Variants in MGRN1 observed in about 807,000 individuals in gnomAD.
The protein encoded by MGRN1 is mahogunin ring finger 1.
A neutral mutation model predicts 69.2 loss-of-function variants in MGRN1; 29 were observed. The observed-to-expected ratio is 0.42, with a 90% CI of 0.31 to 0.57. The LOEUF is 0.57. Ranked by LOEUF, MGRN1 falls within the 20% of genes least tolerant of loss-of-function variation. MGRN1 has a pLI of 0.15. For missense variants in MGRN1, 998 were observed against 796.2 expected (o/e 1.25, Z -3.05); for synonymous variants, 470 against 344.2 (o/e 1.37, Z -4.04).
At chr16:4,667,380 G>C (rs180814896) in intron 7 of MGRN1, among the ~76,000 whole-genome samples, 2 of 152,236 alleles carry the variant, frequency 1.3e-5, no homozygotes, top group South Asian at 4.1e-4. Context: ...GGTGACACAA[G>C]TGCCCTGGGC....
At chr16:4,678,197 A>C (rs1363872194) in intron 11 of MGRN1, among the ~76,000 whole-genome samples, 1 of 152,174 alleles carries the variant, frequency 6.6e-6, no homozygotes, top group East Asian at 1.9e-4. Context: ...GCTGCTGTGC[A>C]AGGGGCACTG....
At chr16:4,685,236 C>T (rs1025258937) in intron 16 of MGRN1, among the ~76,000 whole-genome samples, 1 of 152,248 alleles carries the variant, frequency 6.6e-6, no homozygotes, top group African/African-American at 2.4e-5. Context: ...GCCAGAAGGA[C>T]CTCAGCTTCT....
In MGRN1 at chr16:4,681,692, A is replaced by G. The variant is rs756636262; in HGVS notation, c.1274A>G (p.Gln425Arg). The G allele has an allele frequency of 1.2e-6, 2 of 1,613,444 alleles. No individual in the cohort carries two copies. The highest frequency in any genetic ancestry group is 1.7e-6 in the Non-Finnish European group (2 of 1,179,996). ...TCAGGCATCTCGGACGGCCTGTCCC[A>G]GGCCAGCTGTCCCCTCGCGGCTATC... ...TYSGISDGLS[Q>R]ASCPLAAIDH... The change falls in exon 13 of 17, where the codon CAG (glutamine) becomes CGG (arginine). Residue 425 changes from glutamine to arginine, a missense_variant. Coordinates refer to ENST00000262370, the MANE Select transcript of MGRN1 (RefSeq NM_015246.4).
At chr16:4,647,988 G>C (rs539051814) in intron 1 of MGRN1, among the ~76,000 whole-genome samples, 5 of 152,218 alleles carry the variant, frequency 3.3e-5, no homozygotes, top group Admixed American at 1.3e-4. Flanking sequence ...CTGTAACTGG[G>C]GCCGTGGTTC....
intron 11 of MGRN1, among the ~76,000 whole-genome samples, chr16:4,677,828 G>A (rs1240000625): frequency 1.6e-5 from 2 of 127,398 alleles, no homozygotes; most frequent in Non-Finnish European, 1.7e-5. Flanking sequence ...TCTCGGTGGA[G>A]CCAGGTGCTT....
chr16:4,637,118 CAA>C (rs36033548), intron 1 of MGRN1, among the ~76,000 whole-genome samples: 99 of 48,466 alleles, frequency 2.0e-3, no homozygotes, highest in African/African-American at 6.8e-3. Flanking sequence ...GACTCCATCT[CAA>C]AAAAAAAAAA....
At chr16:4,648,745 C>G (rs1170884079) in intron 1 of MGRN1, among the ~76,000 whole-genome samples, 1 of 127,938 alleles carries the variant, frequency 7.8e-6, no homozygotes, top group Non-Finnish European at 1.7e-5. Flanking sequence ...GGGACTCTTC[C>G]CGTGGTCACC....
At chr16:4,657,417 T>A in intron 5 of MGRN1, 54 bp downstream of exon 5, 7 of 1,541,874 alleles carry the variant, frequency 4.5e-6, no homozygotes, top group Non-Finnish European at 6.3e-6. Context: ...TTCTCTCCCC[T>A]TGGGGGTGGG....
At chr16:4,665,833 C>G (rs537342985) in intron 7 of MGRN1, among the ~76,000 whole-genome samples, 68 of 151,312 alleles carry the variant, frequency 4.5e-4, no homozygotes, top group African/African-American at 1.5e-3. Flanking sequence ...CATGCCTGGC[C>G]AATTTTTTTT....
chr16:4,679,979 C>G (rs1460931420), intron 11 of MGRN1, 53 bp from the exon 12 acceptor site: 15 of 1,570,644 alleles, frequency 9.6e-6, no homozygotes, highest in African/African-American at 1.4e-5. Flanking sequence ...CCAGCCCACT[C>G]CAGGGCCGCG....
intron 1 of MGRN1, among the ~76,000 whole-genome samples, chr16:4,642,802 T>G (rs552091035): frequency 4.4e-4 from 67 of 152,038 alleles, no homozygotes; most frequent in Non-Finnish European, 7.5e-4. Flanking sequence ...TTTTTTTTTT[T>G]TTGTTAAAGG....
chr16:4,687,808 G>A (rs2079366714), intron 16 of MGRN1: 8 of 985,352 alleles, frequency 8.1e-6, no homozygotes, highest in Non-Finnish European at 9.6e-6. Flanking sequence ...GACTTGAGCC[G>A]GGTCAGGGAG....
In MGRN1 at chr16:4,651,842, C is replaced by T; in HGVS notation, c.208-121C>T. Reference sequence around the variant, plus strand: ...TGAGAACAGTGCACCCAGTATAGCCCCTCCCATGGGACTAGATCCCAGGGA... The same window carrying T: ...TGAGAACAGTGCACCCAGTATAGCCTCTCCCATGGGACTAGATCCCAGGGA... On this transcript the variant is annotated intron_variant, in intron 2 of 16. Coordinates refer to ENST00000262370, the MANE Select transcript of MGRN1 (RefSeq NM_015246.4). 5 of 859,722 alleles carry T rather than the reference C, an allele frequency of 5.8e-6. No individual in the cohort carries two copies. In the South Asian group the frequency reaches 7.0e-5, roughly 12 times the overall value. The allele number at this position is 859,722 out of a possible 1,614,324, so 53.3% of individuals were successfully genotyped here.
intron 1 of MGRN1, among the ~76,000 whole-genome samples, chr16:4,642,907 C>G (rs2078193832): frequency 6.6e-6 from 1 of 152,058 alleles, no homozygotes; most frequent in Admixed American, 6.6e-5. Context: ...CCACCTCAGC[C>G]TCCCGAGTAC....
intron 5 of MGRN1, among the ~76,000 whole-genome samples, chr16:4,658,118 G>C (rs1030066295): frequency 6.6e-6 from 1 of 151,908 alleles, no homozygotes; most frequent in Admixed American, 6.6e-5. Context: ...GCTCCTCCTA[G>C]GCCCCTCTCC....
intron 1 of MGRN1, among the ~76,000 whole-genome samples, chr16:4,637,395 A>C (rs1451816814): frequency 6.6e-6 from 1 of 152,068 alleles, no homozygotes; most frequent in African/African-American, 2.4e-5. Flanking sequence ...GCGCCATTGC[A>C]CTCCAGCCTG....
Position 4,683,943 on chromosome 16 carries a change from G to T in MGRN1, c.1618+11G>T. 6.4e-7 allele frequency: 1 copy of T among 1,558,994 alleles called. No individual in the cohort carries two copies. Among genetic ancestry groups the T allele is most frequent in the South Asian group, 1.2e-5 (1 of 85,196 alleles). ...ACATCTACCTGCCAGGTAAGGGGCT[G>T]GGGGTCTGGGGGTGAGGGGCTGGGT... On this transcript the variant is annotated intron_variant, in intron 16 of 16. Transcript: ENST00000262370.
rs921163785 is a variant in MGRN1 at position 4,688,783 on chromosome 16, C to T, written c.1619-13C>T. The T allele has an allele frequency of 6.5e-7, 1 of 1,536,912 alleles. No homozygotes were observed. The highest frequency in any genetic ancestry group is 8.8e-7 in the Non-Finnish European group (1 of 1,136,140). On this transcript the variant is annotated splice_polypyrimidine_tract_variant and intron_variant, in intron 16 of 16. Transcript: ENST00000262370. ...TCCGAGTGTGACCCTCCTCCCTCTG[C>T]TCCCACCTGCAGGACGGCCCACCTC...
At chr16:4,687,013 C>T (rs1380213865) in intron 16 of MGRN1, 38 of 985,564 alleles carry the variant, frequency 3.9e-5, no homozygotes, top group Non-Finnish European at 4.6e-5. Flanking sequence ...CCACCTGCTC[C>T]CCCGCTCCCT....
Sources: gnomAD v4.1 joint callset for allele counts (sites outside exome capture counted in the v4.1 genomes callset) on GRCh38, gnomAD v4.1.1 for gene constraint, MANE v1.5 for transcripts, NCBI Gene and HGNC (gene_info 2026-07-23, HGNC 2026-07-21) for gene names.